The following OR10H1 variants were observed in gnomAD, a reference collection of about 807,000 sequenced individuals.
OR10H1 encodes olfactory receptor 10H1.
A neutral mutation model predicts 13.1 loss-of-function variants in OR10H1; 12 were observed. The observed-to-expected ratio is 0.92, with a 90% CI of 0.59 to 1.48. The LOEUF is 1.48. OR10H1 is among the 40% of genes most tolerant of loss of function. The probability of loss-of-function intolerance (pLI) is 0.00; values close to 1 mark genes in which losing one functional copy is unlikely to be tolerated. For synonymous variants in OR10H1, 168 were observed against 175.6 expected, an observed-to-expected ratio of 0.96 and a Z score of 0.34; for missense variants, 363 against 413.1, an observed-to-expected ratio of 0.88 and a Z score of 1.05.
At chr19:15,809,897 C>T (rs1219725819) in intron 2 of OR10H1, among the ~76,000 whole-genome samples, 1 of 152,022 alleles carries the variant, frequency 6.6e-6, no homozygotes, top group African/African-American at 2.4e-5. Flanking sequence ...CTCACTGCAG[C>T]CTTCGGCTCC....
intron 1 of OR10H1, among the ~76,000 whole-genome samples, chr19:15,814,480 TGAGAGAGAGAGAGAGA>T (rs58307648): frequency 0.024 from 1,635 of 67,662 alleles, 13 homozygotes; most frequent in South Asian, 0.057. Context: ...TGTGTGTGTG[TGAGAGAGAGAGAGAGA>T]GAGAGAGAGA....
At chr19:15,811,284 C>G (rs1423068259) in intron 2 of OR10H1, among the ~76,000 whole-genome samples, 1 of 152,180 alleles carries the variant, frequency 6.6e-6, no homozygotes, top group Non-Finnish European at 1.5e-5. Flanking sequence ...AAGAAGAGGC[C>G]AAATGGGCGA....
At chr19:15,808,329 A>T (rs1164921932) in intron 3 of OR10H1, among the ~76,000 whole-genome samples, 1 of 152,178 alleles carries the variant, frequency 6.6e-6, no homozygotes, top group Non-Finnish European at 1.5e-5. Flanking sequence ...ACTGGAACCC[A>T]TAGCTGGGCT....
rs551997341 is a variant in OR10H1 at position 15,804,585 on chromosome 19, T to C, written c.*2496A>G. On this transcript the variant is annotated 3_prime_UTR_variant, in exon 4 of 4. Transcript: ENST00000641419. ...TTTTTTATGGCTGCATAGTATTCCA[T>C]GGTGTATATGTGCCACATTTTCTTA... 6 of 152,324 alleles carry C rather than the reference T, an allele frequency of 3.9e-5. No homozygotes were observed. The South Asian group carries it at 1.0e-3, about 26-fold the overall frequency. 9.4% of individuals were successfully genotyped at this position (152,324 alleles called of 1,614,324 possible).
rs752532622 is a variant in OR10H1, at chr19:15,807,595, G to A, written c.443C>T (p.Ser148Phe). Residue 148 changes from serine to phenylalanine, a missense_variant, in exon 4 of 4, where the codon TCC becomes TTC. By Grantham distance (155) the Ser-to-Phe change is radical. This residue lies in a region of OR10H1 where 318 missense variants were observed against 366.6 expected (regional missense o/e 0.87). Transcript: ENST00000641419. ...CCCCATGACCAAGCCACCAGCCCAG[G>A]AGCAGCCCACCAGGCAGGCGCAGCC... ...PRGCACLVGC[S>F]WAGGLVMGMV... The A allele has an allele frequency of 2.5e-6, 4 of 1,614,132 alleles. No individual in the cohort carries two copies. Among genetic ancestry groups the A allele is most frequent in the Middle Eastern group, 1.6e-4 (1 of 6,084 alleles).
At position 15,807,613 on chromosome 19, in the gene OR10H1, G is replaced by T. The variant is rs1409280848; in HGVS notation, c.425C>A (p.Ala142Asp). 4 of 1,614,094 alleles carry T rather than the reference G, an allele frequency of 2.5e-6. No individual in the cohort carries two copies. The highest frequency in any genetic ancestry group is 2.5e-6 in the Non-Finnish European group (3 of 1,180,048). ...YNVLMSPRGC[A>D]CLVGCSWAGG... Reference sequence around the variant, plus strand: ...AGCCCAGGAGCAGCCCACCAGGCAGGCGCAGCCCCGCGGGCTCATGAGCAC... The same window carrying T: ...AGCCCAGGAGCAGCCCACCAGGCAGTCGCAGCCCCGCGGGCTCATGAGCAC... Residue 142 changes from alanine (A) to aspartate (D), a missense_variant, in exon 4 of 4, where the codon GCC (alanine) becomes GAC (aspartate). Ala to Asp is a moderately radical substitution (Grantham distance 126). Coordinates refer to ENST00000641419, the MANE Select transcript of OR10H1 (RefSeq NM_013940.4).
intron 2 of OR10H1, among the ~76,000 whole-genome samples, chr19:15,810,730 C>T (rs1471636940): frequency 1.3e-5 from 2 of 151,968 alleles, no homozygotes; most frequent in Non-Finnish European, 2.9e-5. Context: ...AAATTATTAC[C>T]TTTGTCTGGA....
At chr19:15,811,729 A>G (rs919200355) in intron 2 of OR10H1, among the ~76,000 whole-genome samples, 1 of 152,142 alleles carries the variant, frequency 6.6e-6, no homozygotes, top group African/African-American at 2.4e-5. Context: ...ATATTAAGCC[A>G]CCCATTCCTG....
rs548323652 is a variant in OR10H1 at position 15,805,937 on chromosome 19, A to G, written c.*1144T>C. 3.9e-5 allele frequency: 6 copies of G among 152,298 alleles called. No homozygotes were observed. Among genetic ancestry groups the G allele is most frequent in the Non-Finnish European group, 7.4e-5 (5 of 68,020 alleles). The allele number at this position is 152,298 out of a possible 1,614,324, so 9.4% of individuals were successfully genotyped here. On this transcript the variant is annotated 3_prime_UTR_variant, in exon 4 of 4. Coordinates refer to ENST00000641419, the MANE Select transcript of OR10H1 (RefSeq NM_013940.4). Reference sequence around the variant, plus strand: ...TTCAAGACTCACACTTGAAATTCTAAGGTTTCCTTGATGTTTAAAGAGAGT... The same window carrying G: ...TTCAAGACTCACACTTGAAATTCTAGGGTTTCCTTGATGTTTAAAGAGAGT...
intron 2 of OR10H1, among the ~76,000 whole-genome samples, chr19:15,811,702 A>G (rs1056809735): frequency 1.3e-5 from 2 of 152,126 alleles, no homozygotes; most frequent in Non-Finnish European, 2.9e-5. Context: ...GTCCTCCTGG[A>G]TATTTCTTCC....
chr19:15,814,346 C>A (rs777551001), intron 1 of OR10H1, among the ~76,000 whole-genome samples: 2 of 152,224 alleles, frequency 1.3e-5, no homozygotes, highest in Admixed American at 1.3e-4. Context: ...GGCCTCCCCT[C>A]TCTTCCACTT....
At chr19:15,813,466 GGCAGGGGA>G (rs1339926064) in intron 1 of OR10H1, among the ~76,000 whole-genome samples, 2 of 98,340 alleles carry the variant, frequency 2.0e-5, no homozygotes, top group African/African-American at 7.6e-5. Context: ...TAGAGAGAGA[GGCAGGGGA>G]AGAGAGAGAG....
chr19:15,810,777 G>A (rs914678948), intron 2 of OR10H1, among the ~76,000 whole-genome samples: 1 of 151,968 alleles, frequency 6.6e-6, no homozygotes, highest in African/African-American at 2.4e-5. Context: ...CAGCATAAAT[G>A]TTCTTGATGC....
In OR10H1 at chr19:15,805,048, T is replaced by C. The variant is rs565853080; in HGVS notation, c.*2033A>G. On this transcript the variant is annotated 3_prime_UTR_variant, in exon 4 of 4. Transcript: ENST00000641419. ...TTGAGAAGTGTCTGTTCATATCCTTTGCCCACTTTTTGATGGGATTGTTTG... is the reference window on the plus strand; with the variant it reads ...TTGAGAAGTGTCTGTTCATATCCTTCGCCCACTTTTTGATGGGATTGTTTG... The C allele has an allele frequency of 1.3e-5, 2 of 152,266 alleles. No individual in the cohort carries two copies. Among genetic ancestry groups the C allele is most frequent in the South Asian group, 2.1e-4 (1 of 4,826 alleles). The allele number at this position is 152,266 out of a possible 1,614,324, so 9.4% of individuals were successfully genotyped here.
intron 3 of OR10H1, 168 bp from the exon 4 acceptor site, chr19:15,808,216 A>C (rs1313582201): frequency 3.2e-6 from 2 of 616,568 alleles, no homozygotes; most frequent in African/African-American, 1.8e-5. Flanking sequence ...TGAGAACGGT[A>C]CTATTTTTTC....
chr19:15,813,275 T>C (rs915877283), intron 1 of OR10H1, among the ~76,000 whole-genome samples: 1 of 152,090 alleles, frequency 6.6e-6, no homozygotes, highest in Non-Finnish European at 1.5e-5. Flanking sequence ...GCTCTTAAAA[T>C]AAAGTCTATT....
rs2088888106 is a variant in OR10H1 at position 15,805,111 on chromosome 19, T to A, written c.*1970A>T. On this transcript the variant is annotated 3_prime_UTR_variant, in exon 4 of 4. Transcript: ENST00000641419. Reference sequence around the variant, plus strand: ...AAATTTGTTTGAGTTCATTGTAGATTCTGGATATTAGCCCTTTGTCAGATG... The same window carrying A: ...AAATTTGTTTGAGTTCATTGTAGATACTGGATATTAGCCCTTTGTCAGATG... The A allele has an allele frequency of 6.6e-6, 1 of 152,100 alleles. No homozygotes were observed. Among genetic ancestry groups the A allele is most frequent in the East Asian group, 1.9e-4 (1 of 5,192 alleles). The allele number at this position is 152,100 out of a possible 1,614,324, so 9.4% of individuals were successfully genotyped here. A position where few individuals can be genotyped will look rare whatever the true frequency, so the allele number is the denominator to read the frequency against.
At chr19:15,814,264 G>T (rs2088950976) in intron 1 of OR10H1, among the ~76,000 whole-genome samples, 1 of 152,074 alleles carries the variant, frequency 6.6e-6, no homozygotes, top group Non-Finnish European at 1.5e-5. Flanking sequence ...GGCCAGGCCT[G>T]TCTTGTCTCT....
rs917390414 is a variant in OR10H1, at chr19:15,806,850, C to A, written c.*231G>T. 1.0e-5 allele frequency: 5 copies of A among 481,226 alleles called. No homozygotes were observed. Among genetic ancestry groups the A allele is most frequent in the African/African-American group, 7.8e-5 (4 of 51,186 alleles). The allele number at this position is 481,226 out of a possible 1,614,324, so 29.8% of individuals were successfully genotyped here. On this transcript the variant is annotated 3_prime_UTR_variant, in exon 4 of 4. Coordinates refer to ENST00000641419, the MANE Select transcript of OR10H1 (RefSeq NM_013940.4). Reference sequence around the variant, plus strand: ...CAAGCGATTCTTATGCCTCAGCCTCCCAAGTAGCTAGGGTTACAGGCATGT... The same window carrying A: ...CAAGCGATTCTTATGCCTCAGCCTCACAAGTAGCTAGGGTTACAGGCATGT...
Sources: gnomAD v4.1 joint callset for allele counts (sites outside exome capture counted in the v4.1 genomes callset) on GRCh38, gnomAD v4.1.1 for gene constraint, gnomAD v4.1.1 regional missense constraint, MANE v1.5 for transcripts, NCBI Gene and HGNC (gene_info 2026-07-23, HGNC 2026-07-21) for gene names.